Variants in OPRD1 observed in about 807,000 individuals in gnomAD.
OPRD1 encodes the protein delta-type opioid receptor.
A neutral mutation model predicts 17.5 loss-of-function variants in OPRD1; 19 were observed. The observed-to-expected ratio is 1.09, with a 90% CI of 0.76 to 1.60. The LOEUF (loss-of-function observed/expected upper bound fraction) is 1.60, where lower values mean the gene tolerates loss of function less well. OPRD1 is among the 40% of genes most tolerant of loss of function. The pLI is 0.00. For missense variants in OPRD1, 483 were observed against 547.2 expected (o/e 0.88, Z 1.17); for synonymous variants, 256 against 240.9 (o/e 1.06, Z -0.58).
Position 28,859,129 on chromosome 1 carries a change from A to G in OPRD1, c.403A>G (p.Ser135Gly). The G allele has an allele frequency of 6.2e-7, 1 of 1,614,210 alleles. No individual in the cohort carries two copies. Among genetic ancestry groups the G allele is most frequent in the South Asian group, 1.1e-5 (1 of 91,076 alleles). ...LSIDYYNMFT[S>G]IFTLTMMSVD... ...CATCGACTACTACAATATGTTCACC[A>G]GCATCTTCACGCTCACCATGATGAG... The change falls in exon 2 of 3, where the codon AGC becomes GGC. Residue 135 changes from serine to glycine, a missense_variant. Coordinates refer to ENST00000234961, the MANE Select transcript of OPRD1 (RefSeq NM_000911.4).
chr1:28,855,406 C>G (rs577506944), intron 1 of OPRD1, among the ~76,000 whole-genome samples: 1 of 152,150 alleles, frequency 6.6e-6, no homozygotes, highest in African/African-American at 2.4e-5. Flanking sequence ...AACTGAGATC[C>G]CAAAGGTAGT....
At chr1:28,850,891 A>T (rs2088997215) in intron 1 of OPRD1, among the ~76,000 whole-genome samples, 1 of 151,850 alleles carries the variant, frequency 6.6e-6, no homozygotes, top group South Asian at 2.1e-4. Context: ...GGATATAACA[A>T]AAGAGGATGT....
intron 2 of OPRD1, among the ~76,000 whole-genome samples, chr1:28,860,586 A>G (rs138521847): frequency 5.0e-4 from 76 of 152,332 alleles, no homozygotes; most frequent in Admixed American, 4.1e-3. Flanking sequence ...CCAAGGCCCA[A>G]TGAATAATAG....
Position 28,838,980 on chromosome 1 carries a change from T to C in OPRD1, c.228-19974T>C, listed in dbSNP as rs538120828. ...CAATGGCTATTCACAGGCACCATCG[T>C]GGCACACTACTGCCTTGAACTTCCG... On this transcript the variant is annotated intron_variant, in intron 1 of 2. Coordinates refer to ENST00000234961, the MANE Select transcript of OPRD1 (RefSeq NM_000911.4). Among the ~76,000 whole-genome samples the C allele has an allele frequency of 4.6e-5, 7 of 152,272 alleles. No homozygotes were observed. The East Asian group carries it at 1.4e-3, about 29-fold the overall frequency.
intron 1 of OPRD1, among the ~76,000 whole-genome samples, chr1:28,853,719 A>G (rs945884226): frequency 1.3e-5 from 2 of 151,764 alleles, no homozygotes; most frequent in African/African-American, 4.8e-5. Context: ...TAATTGTGTT[A>G]CATTGGCAGA....
intron 1 of OPRD1, among the ~76,000 whole-genome samples, chr1:28,839,102 G>A (rs554930525): frequency 2.0e-5 from 3 of 152,250 alleles, no homozygotes; most frequent in African/African-American, 7.2e-5. Context: ...AATTACTGCA[G>A]ACTTGATGGC....
intron 1 of OPRD1, 34 bp downstream of exon 1, chr1:28,812,644 G>C: frequency 6.9e-7 from 1 of 1,449,424 alleles, no homozygotes; most frequent in Non-Finnish European, 9.1e-7. Flanking sequence ...CGCAGGGCTG[G>C]AGCCCGGGGT....
chr1:28,847,068 T>TCCCCTTTCCTTTC (rs2088960585), intron 1 of OPRD1, among the ~76,000 whole-genome samples: 1 of 150,492 alleles, frequency 6.6e-6, no homozygotes, highest in Admixed American at 6.7e-5. Context: ...CCCTTTCCTT[T>TCCCCTTTCCTTTC]CCGACGGAGT....
chr1:28,831,585 C>G (rs566112875), intron 1 of OPRD1, among the ~76,000 whole-genome samples: 35 of 152,216 alleles, frequency 2.3e-4, no homozygotes, highest in African/African-American at 7.9e-4. Flanking sequence ...AATAGAACTG[C>G]TGACTTTTTT....
At chr1:28,815,393 T>G (rs1443533668) in intron 1 of OPRD1, among the ~76,000 whole-genome samples, 1 of 152,130 alleles carries the variant, frequency 6.6e-6, no homozygotes, top group Non-Finnish European at 1.5e-5. Context: ...GGCGGAGCCA[T>G]GGTGCCCGGC....
At chr1:28,861,918 T>C (rs4654377) in intron 2 of OPRD1, among the ~76,000 whole-genome samples, 3,043 of 149,584 alleles carry the variant, frequency 0.02, 62 homozygotes, top group African/African-American at 0.048. Flanking sequence ...CTTTTCTTTT[T>C]TTTTTTTTTT....
chr1:28,815,902 C>T (rs2088668817), intron 1 of OPRD1, among the ~76,000 whole-genome samples: 1 of 152,118 alleles, frequency 6.6e-6, no homozygotes, highest in Non-Finnish European at 1.5e-5. Flanking sequence ...AGCTGTGGCT[C>T]TGGACCAGAC....
rs2147753035 is a variant in OPRD1 at position 28,863,964 on chromosome 1, A to G, written c.*681A>G. On this transcript the variant is annotated 3_prime_UTR_variant, in exon 3 of 3. Transcript: ENST00000234961. ...TCCAGGTCCGACTTGACACCTTTAT[A>G]AATAGAATATAAAAGACTGAGGGGC... The G allele has an allele frequency of 6.6e-6, 1 of 152,542 alleles. No homozygotes were observed. Among genetic ancestry groups the G allele is most frequent in the African/African-American group, 2.4e-5 (1 of 41,562 alleles). The allele number at this position is 152,542 out of a possible 1,614,324, so 9.4% of individuals were successfully genotyped here. A position where few individuals can be genotyped will look rare whatever the true frequency, so the allele number is the denominator to read the frequency against.
intron 1 of OPRD1, among the ~76,000 whole-genome samples, chr1:28,829,620 C>T (rs555934776): frequency 6.6e-6 from 1 of 152,230 alleles, no homozygotes; most frequent in East Asian, 1.9e-4. Context: ...CCACCCACCT[C>T]GGCCTCCCAA....
intron 1 of OPRD1, among the ~76,000 whole-genome samples, chr1:28,818,869 G>T (rs1312112064): frequency 6.6e-6 from 1 of 152,136 alleles, no homozygotes; most frequent in East Asian, 1.9e-4. Context: ...TGAGGTTCTA[G>T]TCTGGATGTG....
intron 1 of OPRD1, among the ~76,000 whole-genome samples, chr1:28,856,839 C>T (rs1455073478): frequency 6.6e-6 from 1 of 152,138 alleles, no homozygotes; most frequent in East Asian, 1.9e-4. Flanking sequence ...TGGGCTCATG[C>T]CTTGGGTTGG....
In OPRD1 at chr1:28,864,610, C is replaced by G. The variant is rs561092803; in HGVS notation, c.*1327C>G. 6 of 152,160 alleles carry G rather than the reference C, an allele frequency of 3.9e-5. No homozygotes were observed. In the East Asian group the frequency reaches 9.7e-4, roughly 25 times the overall value. 9.4% of individuals were successfully genotyped at this position (152,160 alleles called of 1,614,324 possible). A position where few individuals can be genotyped will look rare whatever the true frequency, so the allele number is the denominator to read the frequency against. ...GGGTGGGTGGAGGAAGAGGTGGGCT[C>G]CTGCTTCAAGGTTAGGTCTTCCAGT... On this transcript the variant is annotated 3_prime_UTR_variant, in exon 3 of 3. Transcript: ENST00000234961.
At chr1:28,839,876 G>T (rs1185133441) in intron 1 of OPRD1, among the ~76,000 whole-genome samples, 1 of 152,222 alleles carries the variant, frequency 6.6e-6, no homozygotes, top group Non-Finnish European at 1.5e-5. Context: ...GAGAAGGTAG[G>T]AAGGGAGGGA....
At chr1:28,862,280 C>A (rs2089130624) in intron 2 of OPRD1, among the ~76,000 whole-genome samples, 1 of 152,094 alleles carries the variant, frequency 6.6e-6, no homozygotes, top group Admixed American at 6.6e-5. Flanking sequence ...AGCCCCACTC[C>A]ACTGAAGCTC....
Sources: gnomAD v4.1 joint callset for allele counts (sites outside exome capture counted in the v4.1 genomes callset) on GRCh38, gnomAD v4.1.1 for gene constraint, MANE v1.5 for transcripts, NCBI Gene and HGNC (gene_info 2026-07-23, HGNC 2026-07-21) for gene names.